Variants in ADAM10 observed in about 807,000 individuals in gnomAD.
ADAM10 encodes the protein ADAM metallopeptidase domain 10, also known as disintegrin and metalloproteinase domain-containing protein 10.
ADAM10 carries 17 observed loss-of-function variants against 90.1 expected under a neutral mutation model. The observed-to-expected ratio is 0.19, with a 90% CI of 0.13 to 0.28. The LOEUF (loss-of-function observed/expected upper bound fraction) is 0.28. Ranked by LOEUF, ADAM10 falls within the 10% of genes least tolerant of loss-of-function variation. The pLI, the probability that ADAM10 is intolerant of heterozygous loss-of-function variation, is 1.00. For synonymous variants in ADAM10, 310 were observed against 298.6 expected, an observed-to-expected ratio of 1.04 and a Z score of -0.40; for missense variants, 610 against 914.3, an observed-to-expected ratio of 0.67 and a Z score of 4.29.
In ADAM10 at chr15:58,717,607, A is replaced by C; in HGVS notation, c.176T>G (p.Phe59Cys). Residue 59 changes from phenylalanine to cysteine, a missense_variant, in exon 2 of 16, where the codon TTT becomes TGT. By Grantham distance (205) the Phe-to-Cys change is radical. Around this residue, in one of 4 missense-constraint regions of ADAM10, gnomAD observed 310 missense variants for 362.4 expected, o/e 0.86. Transcript: ENST00000260408. Reference protein sequence around the residue: ...AKRAVSHEDQFLRLDFHAHGR... With the variant: ...AKRAVSHEDQCLRLDFHAHGR... Reference sequence around the variant, plus strand: ...ATGGGCATGGAAATCTAGACGTAAAAATTGGTCTTCATGTGAGACTGCTCT... The same window carrying C: ...ATGGGCATGGAAATCTAGACGTAAACATTGGTCTTCATGTGAGACTGCTCT... 2 of 1,613,896 alleles carry C rather than the reference A, an allele frequency of 1.2e-6. No individual in the cohort carries two copies. The highest frequency in any genetic ancestry group is 2.2e-5 in the South Asian group (2 of 91,074).
At chr15:58,619,201 T>G (rs1440494428) in intron 11 of ADAM10, among the ~76,000 whole-genome samples, 1 of 151,766 alleles carries the variant, frequency 6.6e-6, no homozygotes, top group Admixed American at 6.6e-5. Flanking sequence ...GAAATAGAAG[T>G]CATCATGTTA....
chr15:58,623,487 C>T (rs1216473025), intron 10 of ADAM10, among the ~76,000 whole-genome samples: 2 of 152,186 alleles, frequency 1.3e-5, no homozygotes, highest in African/African-American at 4.8e-5. Context: ...ATCCCTGTTT[C>T]ACTTTAAACC....
At chr15:58,660,742 T>G (rs1297143098) in intron 5 of ADAM10, among the ~76,000 whole-genome samples, 1 of 152,200 alleles carries the variant, frequency 6.6e-6, no homozygotes, top group Non-Finnish European at 1.5e-5. Context: ...GTTAAATTAT[T>G]TCCTCTTCTT....
At chr15:58,658,041 G>C (rs1183916907) in intron 5 of ADAM10, among the ~76,000 whole-genome samples, 1 of 152,066 alleles carries the variant, frequency 6.6e-6, no homozygotes, top group Non-Finnish European at 1.5e-5. Flanking sequence ...TCAATTTGAT[G>C]AAGTCAGTTT....
intron 8 of ADAM10, 38 bp from the exon 9 acceptor site, chr15:58,633,397 T>A: frequency 6.3e-7 from 1 of 1,577,194 alleles, no homozygotes; most frequent in Non-Finnish European, 8.7e-7. Context: ...TTAGTATCTG[T>A]TTCCCCTTAC....
chr15:58,680,217 G>C (rs1010721600), intron 3 of ADAM10, among the ~76,000 whole-genome samples: 1 of 152,022 alleles, frequency 6.6e-6, no homozygotes, highest in Non-Finnish European at 1.5e-5. Context: ...CAACCTCCTG[G>C]GCTCAGGCAC....
At chr15:58,669,706 G>C (rs1389925814) in intron 4 of ADAM10, among the ~76,000 whole-genome samples, 2 of 151,876 alleles carry the variant, frequency 1.3e-5, no homozygotes, top group Non-Finnish European at 2.9e-5. Flanking sequence ...CCTTAATTTT[G>C]TCTGTAATAA....
At chr15:58,613,364 A>G (rs1283114490) in intron 11 of ADAM10, among the ~76,000 whole-genome samples, 1 of 152,216 alleles carries the variant, frequency 6.6e-6, no homozygotes, top group African/African-American at 2.4e-5. Context: ...CCAGACAGGC[A>G]CACAGACATG....
chr15:58,719,050 G>C (rs773790912), intron 1 of ADAM10, among the ~76,000 whole-genome samples: 3 of 152,206 alleles, frequency 2.0e-5, no homozygotes, highest in African/African-American at 7.2e-5. Flanking sequence ...TTCGCTGGGC[G>C]TGGTGGCTCA....
chr15:58,675,690 A>G (rs1318481486), intron 4 of ADAM10, among the ~76,000 whole-genome samples: 1 of 152,244 alleles, frequency 6.6e-6, no homozygotes, highest in Non-Finnish European at 1.5e-5. Flanking sequence ...GAAATTATTA[A>G]GTATTTTCAG....
intron 11 of ADAM10, among the ~76,000 whole-genome samples, chr15:58,617,660 A>G (rs1308075148): frequency 6.6e-6 from 1 of 152,122 alleles, no homozygotes; most frequent in Non-Finnish European, 1.5e-5. Flanking sequence ...TATATAGACA[A>G]CCCTTAAAGC....
At chr15:58,633,786 T>C (rs1330750376) in intron 8 of ADAM10, among the ~76,000 whole-genome samples, 2 of 152,006 alleles carry the variant, frequency 1.3e-5, no homozygotes, top group African/African-American at 4.8e-5. Flanking sequence ...TCAAGAAGAT[T>C]CTGAGAAAGT....
intron 5 of ADAM10, among the ~76,000 whole-genome samples, chr15:58,654,384 TTTTC>T (rs375665846): frequency 2.6e-5 from 4 of 152,292 alleles, no homozygotes; most frequent in African/African-American, 9.6e-5. Context: ...TTATGTTGTG[TTTTC>T]TTTGTTTTTG....
At chr15:58,743,970 A>G (rs1301231627) in intron 1 of ADAM10, among the ~76,000 whole-genome samples, 4 of 152,186 alleles carry the variant, frequency 2.6e-5, no homozygotes. Flanking sequence ...GACATTTTAG[A>G]GTATGTTTAA....
chr15:58,727,821 G>A (rs1271450493), intron 1 of ADAM10, among the ~76,000 whole-genome samples: 1 of 151,658 alleles, frequency 6.6e-6, no homozygotes, highest in Non-Finnish European at 1.5e-5. Context: ...GGATAAAGAG[G>A]GACATTTCCT....
chr15:58,700,662 C>T (rs1898107025), intron 2 of ADAM10, among the ~76,000 whole-genome samples: 1 of 151,980 alleles, frequency 6.6e-6, no homozygotes, highest in South Asian at 2.1e-4. Context: ...TAATGAAGCA[C>T]CTCAAGGAAC....
At chr15:58,636,208 C>CG (rs1239062968) in intron 8 of ADAM10, among the ~76,000 whole-genome samples, 1 of 149,616 alleles carries the variant, frequency 6.7e-6, no homozygotes, top group African/African-American at 2.5e-5. Context: ...ACCCAGGAGG[C>CG]GGGGGTTGCC....
At chr15:58,650,992 A>T (rs1478845331) in intron 5 of ADAM10, among the ~76,000 whole-genome samples, 4 of 152,024 alleles carry the variant, frequency 2.6e-5, no homozygotes, top group African/African-American at 4.8e-5. Flanking sequence ...TTATACTGAA[A>T]AGTCTTACAT....
intron 8 of ADAM10, among the ~76,000 whole-genome samples, chr15:58,640,066 T>C (rs1289231897): frequency 6.6e-6 from 1 of 152,176 alleles, no homozygotes; most frequent in African/African-American, 2.4e-5. Flanking sequence ...ACTAGGCAAC[T>C]GAACTTATAC....
Sources: gnomAD v4.1 joint callset for allele counts (sites outside exome capture counted in the v4.1 genomes callset) on GRCh38, gnomAD v4.1.1 for gene constraint, gnomAD v4.1.1 regional missense constraint, MANE v1.5 for transcripts, NCBI Gene and HGNC (gene_info 2026-07-23, HGNC 2026-07-21) for gene names.